GRM8: variants seen among roughly 807,000 people sequenced by gnomAD.
The protein encoded by GRM8 is glutamate metabotropic receptor 8.
In GRM8, 47 loss-of-function variants were observed where a neutral mutation model predicts 87.2. The ratio of observed to expected loss-of-function variants is 0.54; its 90% CI spans 0.43 to 0.69. The LOEUF (loss-of-function observed/expected upper bound fraction) is 0.69. Among genes scored for constraint, GRM8 ranks in the 30% least tolerant of loss-of-function variants. The pLI, the probability that GRM8 is intolerant of heterozygous loss-of-function variation, is 0.00. For synonymous variants in GRM8, 396 were observed against 404.5 expected (o/e 0.98, Z 0.25); for missense variants, 1,019 against 1,139.2 (o/e 0.89, Z 1.52).
intron 7 of GRM8, among the ~76,000 whole-genome samples, chr7:126,720,017 A>T (rs1019024889): frequency 6.6e-6 from 1 of 152,048 alleles, no homozygotes; most frequent in Non-Finnish European, 1.5e-5. Context: ...AGTAGCTGTT[A>T]TATCAATATA....
chr7:126,843,765 C>T (rs1005884541), intron 6 of GRM8, among the ~76,000 whole-genome samples: 3 of 152,178 alleles, frequency 2.0e-5, no homozygotes, highest in Admixed American at 6.5e-5. Flanking sequence ...CTGCTGTTTT[C>T]CTTCTGCTCA....
Position 126,703,622 on chromosome 7 carries a change from T to G in GRM8, c.1357+66243A>C, listed in dbSNP as rs147597067. Among the ~76,000 whole-genome samples the G allele has an allele frequency of 8.5e-3, 1,291 of 152,280 alleles. 21 individuals carry two copies. The highest frequency in any genetic ancestry group is 0.029 in the African/African-American group (1,204 of 41,560). ...TCACTCAGGCTGAAGTGCAGTGGTA[T>G]GATCACAGCTCACTGCAGCCTCAAA... On this transcript the variant is annotated intron_variant, in intron 7 of 10. Transcript: ENST00000339582.
At chr7:126,645,250 A>G (rs998127701) in intron 7 of GRM8, among the ~76,000 whole-genome samples, 1 of 152,242 alleles carries the variant, frequency 6.6e-6, no homozygotes, top group African/African-American at 2.4e-5. Context: ...TCATGTGGCC[A>G]GAAGTCACAA....
chr7:126,487,852 T>C (rs113965153), intron 9 of GRM8, among the ~76,000 whole-genome samples: 3,301 of 152,168 alleles, frequency 0.022, 83 homozygotes, highest in African/African-American at 0.063. Flanking sequence ...CATTTTATCA[T>C]TGGCAACAAA....
intron 8 of GRM8, among the ~76,000 whole-genome samples, chr7:126,598,045 C>T (rs1319297091): frequency 1.3e-5 from 2 of 151,954 alleles, no homozygotes; most frequent in Non-Finnish European, 2.9e-5. Flanking sequence ...TTTTTGTACC[C>T]ACTACCTAGC....
intron 6 of GRM8, among the ~76,000 whole-genome samples, chr7:126,889,529 G>A: frequency 6.6e-6 from 1 of 152,076 alleles, no homozygotes; most frequent in Non-Finnish European, 1.5e-5. Flanking sequence ...GTAGACTAGA[G>A]GGCATGTTGT....
intron 2 of GRM8, among the ~76,000 whole-genome samples, chr7:127,225,888 A>C (rs1361486008): frequency 6.6e-6 from 1 of 151,772 alleles, no homozygotes; most frequent in Non-Finnish European, 1.5e-5. Flanking sequence ...TTAACTTTGT[A>C]CCTCCTAGAA....
At chr7:127,087,384 G>A (rs1314439734) in intron 3 of GRM8, among the ~76,000 whole-genome samples, 1 of 152,204 alleles carries the variant, frequency 6.6e-6, no homozygotes, top group African/African-American at 2.4e-5. Context: ...AGATGGGGGT[G>A]GGAGAATCCT....
intron 2 of GRM8, among the ~76,000 whole-genome samples, chr7:127,144,919 A>T (rs936324148): frequency 1.3e-5 from 2 of 152,092 alleles, no homozygotes; most frequent in Non-Finnish European, 2.9e-5. Flanking sequence ...ACACAGTTCT[A>T]GCAGAAAAAA....
At chr7:126,969,998 CT>C (rs112590624) in intron 3 of GRM8, among the ~76,000 whole-genome samples, 47,725 of 150,270 alleles carry the variant, frequency 0.32, 7,569 homozygotes, top group Non-Finnish European at 0.35. Flanking sequence ...TGAAAGGAAT[CT>C]TTTTTTTTTC....
intron 3 of GRM8, among the ~76,000 whole-genome samples, chr7:126,989,936 G>C: frequency 6.6e-6 from 1 of 151,430 alleles, no homozygotes; most frequent in Non-Finnish European, 1.5e-5. Flanking sequence ...GGGTGACAGA[G>C]CAAGACCCTG....
At chr7:126,683,831 G>A (rs915082863) in intron 7 of GRM8, among the ~76,000 whole-genome samples, 2 of 152,180 alleles carry the variant, frequency 1.3e-5, no homozygotes, top group African/African-American at 4.8e-5. Context: ...TCATCCATGA[G>A]TGATGAGTTA....
intron 8 of GRM8, among the ~76,000 whole-genome samples, chr7:126,536,050 A>T (rs1044523130): frequency 6.6e-6 from 1 of 152,228 alleles, no homozygotes; most frequent in East Asian, 1.9e-4. Context: ...TACATTTTGG[A>T]GTTATTTGTT....
At chr7:127,027,321 CT>C (rs1563427540) in intron 3 of GRM8, among the ~76,000 whole-genome samples, 2 of 152,130 alleles carry the variant, frequency 1.3e-5, no homozygotes, top group Non-Finnish European at 2.9e-5. Flanking sequence ...TATGCAGGCT[CT>C]TTTTTGGTTC....
At chr7:126,619,484 G>A (rs1799884821) in intron 7 of GRM8, among the ~76,000 whole-genome samples, 1 of 151,626 alleles carries the variant, frequency 6.6e-6, no homozygotes, top group Non-Finnish European at 1.5e-5. Flanking sequence ...TGCACGTTGT[G>A]CACATGTACC....
chr7:126,474,903 T>C (rs1337171864), intron 9 of GRM8, among the ~76,000 whole-genome samples: 2 of 152,154 alleles, frequency 1.3e-5, no homozygotes, highest in African/African-American at 2.4e-5. Flanking sequence ...CCTCAATAGA[T>C]GCAGAAAAGA....
intron 7 of GRM8, among the ~76,000 whole-genome samples, chr7:126,620,709 G>A (rs1800065925): frequency 6.6e-6 from 1 of 152,186 alleles, no homozygotes; most frequent in African/African-American, 2.4e-5. Flanking sequence ...TGAGATGACA[G>A]TGTATATGAC....
intron 9 of GRM8, among the ~76,000 whole-genome samples, chr7:126,529,985 GA>G (rs1814544170): frequency 2.6e-5 from 4 of 152,032 alleles, no homozygotes; most frequent in African/African-American, 9.7e-5. Context: ...AATCTATTGG[GA>G]AAAATGATTC....
At chr7:127,019,886 G>T (rs1816085283) in intron 3 of GRM8, among the ~76,000 whole-genome samples, 1 of 151,404 alleles carries the variant, frequency 6.6e-6, no homozygotes, top group African/African-American at 2.4e-5. Flanking sequence ...GAGCACAAAG[G>T]CCTATCTACA....
Sources: gnomAD v4.1 joint callset for allele counts (sites outside exome capture counted in the v4.1 genomes callset) on GRCh38, gnomAD v4.1.1 for gene constraint, MANE v1.5 for transcripts, NCBI Gene and HGNC (gene_info 2026-07-23, HGNC 2026-07-21) for gene names.